MYOM2: variants seen among roughly 807,000 people sequenced by gnomAD.
MYOM2 encodes the protein myomesin-2.
Under a neutral mutation model 187.6 loss-of-function variants are expected in MYOM2, and 254 were observed. The ratio of observed to expected loss-of-function variants is 1.35; its 90% CI spans 1.22 to 1.50. The LOEUF is 1.50. Among genes scored for constraint, MYOM2 ranks in the 40% most tolerant of loss-of-function variants. The pLI is 0.00. For synonymous variants in MYOM2, 981 were observed against 753.8 expected (o/e 1.30, Z -4.94); for missense variants, 2,796 against 1,924.0 (o/e 1.45, Z -8.48).
In MYOM2 at chr8:2,096,555, T is replaced by C. The variant is rs1796493998; in HGVS notation, c.2313+121T>C. 1.9e-5 allele frequency: 18 copies of C among 933,356 alleles called. No individual in the cohort carries two copies. The South Asian group carries it at 2.8e-4, about 14-fold the overall frequency. 57.8% of individuals were successfully genotyped at this position (933,356 alleles called of 1,614,324 possible). ...ACAGACACAAAAATGGATTAAAAAA[T>C]AGCATCATGAGATCATGAAGTTTTG... On this transcript the variant is annotated intron_variant, in intron 18 of 36. Transcript: ENST00000262113.
At chr8:2,095,312 C>T (rs1796441748) in intron 17 of MYOM2, among the ~76,000 whole-genome samples, 1 of 142,334 alleles carries the variant, frequency 7.0e-6, no homozygotes, top group Non-Finnish European at 1.5e-5. Flanking sequence ...TTTTTTTCGA[C>T]GTAGAGTCTC....
chr8:2,106,206 T>C (rs1294167737), intron 21 of MYOM2, 36 bp from the exon 22 acceptor site: 1 of 1,600,368 alleles, frequency 6.2e-7, no homozygotes, highest in African/African-American at 1.3e-5. Flanking sequence ...GAACACCGTG[T>C]CCCTAAGCCG....
At chr8:2,094,379 C>T (rs988265402) in intron 17 of MYOM2, among the ~76,000 whole-genome samples, 13 of 152,102 alleles carry the variant, frequency 8.5e-5, no homozygotes, top group East Asian at 1.9e-4. Context: ...TGTAGGCTGG[C>T]GCAATGGCTC....
chr8:2,105,422 C>T (rs1162715047), intron 21 of MYOM2, among the ~76,000 whole-genome samples: 1 of 152,134 alleles, frequency 6.6e-6, no homozygotes, highest in Non-Finnish European at 1.5e-5. Flanking sequence ...GCCAGATGTT[C>T]ACCTGGGTCA....
intron 31 of MYOM2, 56 bp from the exon 32 acceptor site, chr8:2,129,071 T>G: frequency 5.3e-6 from 7 of 1,326,052 alleles, no homozygotes; most frequent in Non-Finnish European, 7.6e-6. Flanking sequence ...ATGCTTTCTG[T>G]GATCACACAG....
At chr8:2,124,148 C>A (rs367950752) in intron 30 of MYOM2, 31 bp from the exon 31 acceptor site, 2 of 1,600,334 alleles carry the variant, frequency 1.2e-6, no homozygotes, top group South Asian at 1.1e-5. Flanking sequence ...AGTTACATGT[C>A]GTAATGGTGC....
intron 1 of MYOM2, among the ~76,000 whole-genome samples, chr8:2,050,526 C>T (rs1818447587): frequency 6.6e-6 from 1 of 152,210 alleles, no homozygotes; most frequent in East Asian, 1.9e-4. Context: ...GCCCAATCTT[C>T]CAACTGTTGT....
intron 6 of MYOM2, among the ~76,000 whole-genome samples, chr8:2,066,214 G>A (rs774749362): frequency 3.3e-5 from 5 of 152,198 alleles, no homozygotes; most frequent in Non-Finnish European, 7.3e-5. Flanking sequence ...GTTCCTGCAC[G>A]GGAACTGCCC....
At chr8:2,078,605 G>A in intron 11 of MYOM2, 129 bp from the exon 12 acceptor site, 1 of 796,412 alleles carries the variant, frequency 1.3e-6, no homozygotes, top group Non-Finnish European at 2.0e-6. Flanking sequence ...TATCTTAGCA[G>A]CAAAGATTTT....
In MYOM2 at chr8:2,096,418, A is replaced by G. The variant is rs1404708520; in HGVS notation, c.2297A>G (p.Lys766Arg). ...NWHEVNSSPS[K>R]PTILTVDGLT... ...CACGAGGTCAATTCCTCACCCAGCA[A>G]ACCGACAATCCTAACGGTCAGTTGG... The change falls in exon 18 of 37, where the codon AAA becomes AGA. Residue 766 changes from lysine to arginine, a missense_variant. By Grantham distance (26) the Lys-to-Arg change is conservative. Coordinates refer to ENST00000262113, the MANE Select transcript of MYOM2 (RefSeq NM_003970.4). 5.6e-6 allele frequency: 9 copies of G among 1,614,066 alleles called. No individual in the cohort carries two copies. In the South Asian group the frequency reaches 6.6e-5, roughly 12 times the overall value.
intron 31 of MYOM2, among the ~76,000 whole-genome samples, chr8:2,127,032 C>T (rs1797672732): frequency 6.6e-6 from 1 of 151,838 alleles, no homozygotes; most frequent in Admixed American, 6.6e-5. Flanking sequence ...GGAGCTGCTT[C>T]TGGTCTGTGT....
chr8:2,048,211 T>C (rs984260067), intron 1 of MYOM2, among the ~76,000 whole-genome samples: 2 of 152,226 alleles, frequency 1.3e-5, no homozygotes, highest in Non-Finnish European at 2.9e-5. Context: ...ATGCGTCTGC[T>C]GGAGTGGAAT....
At chr8:2,052,066 TG>T in intron 2 of MYOM2, 91 bp from the exon 3 acceptor site, 1 of 1,524,546 alleles carries the variant, frequency 6.6e-7, no homozygotes, top group East Asian at 2.3e-5. Flanking sequence ...ACCAGTGGTT[TG>T]GGGTGTGTAG....
At position 2,073,359 on chromosome 8, in the gene MYOM2, A is replaced by C. The variant is rs979600099; in HGVS notation, c.979A>C (p.Lys327Gln). 2 of 1,611,552 alleles carry C rather than the reference A, an allele frequency of 1.2e-6. No individual in the cohort carries two copies. The highest frequency in any genetic ancestry group is 1.1e-5 in the South Asian group (1 of 90,790). ...YRDDVLLKES[K>Q]WTKMFFGEGQ... is the part of the protein sequence containing the mutation. The stretch of plus-strand genomic sequence containing the variant: ...TTCAGACGTGCTGTTGAAAGAGTCC[A>C]AGTGGACGAAGATGTTCTTTGGAGA... Residue 327 changes from lysine to glutamine, a missense_variant, in exon 10 of 37, where the codon AAG (lysine) becomes CAG (glutamine). By Grantham distance (53) the Lys-to-Gln change is moderately conservative. Transcript: ENST00000262113.
chr8:2,100,074 T>G (rs1169240944), intron 19 of MYOM2, among the ~76,000 whole-genome samples: 1 of 97,230 alleles, frequency 1.0e-5, no homozygotes. Flanking sequence ...CCTTCTTTCC[T>G]TCCTTTCTTC....
chr8:2,049,745 C>T (rs139290945), intron 1 of MYOM2, among the ~76,000 whole-genome samples: 10 of 152,290 alleles, frequency 6.6e-5, no homozygotes, highest in African/African-American at 2.4e-4. Context: ...GAATACGGTC[C>T]CTACGTAACT....
At chr8:2,103,539 A>G (rs1485400024) in intron 21 of MYOM2, among the ~76,000 whole-genome samples, 1 of 150,464 alleles carries the variant, frequency 6.6e-6, no homozygotes, top group East Asian at 2.0e-4. Context: ...GTATATGTGT[A>G]TGTATGGATG....
At chr8:2,121,254 G>A (rs1225652193) in intron 28 of MYOM2, among the ~76,000 whole-genome samples, 2 of 152,140 alleles carry the variant, frequency 1.3e-5, no homozygotes, top group Non-Finnish European at 2.9e-5. Context: ...AAGTCAGTGT[G>A]ACTTGGTTAT....
intron 13 of MYOM2, 37 bp from the exon 14 acceptor site, chr8:2,085,226 G>A (rs1819770573): frequency 6.2e-7 from 1 of 1,604,130 alleles, no homozygotes; most frequent in Non-Finnish European, 8.5e-7. Flanking sequence ...GGCTGATGGG[G>A]GTCCTTCAGC....
Sources: gnomAD v4.1 joint callset for allele counts (sites outside exome capture counted in the v4.1 genomes callset) on GRCh38, gnomAD v4.1.1 for gene constraint, MANE v1.5 for transcripts, NCBI Gene and HGNC (gene_info 2026-07-23, HGNC 2026-07-21) for gene names.